The following PLA1A variants were observed in gnomAD, a reference collection of about 807,000 sequenced individuals.
PLA1A encodes the protein phospholipase A1 member A.
PLA1A carries 47 observed loss-of-function variants against 49.4 expected under a neutral mutation model. The ratio of observed to expected loss-of-function variants is 0.95; its 90% CI spans 0.75 to 1.21. The LOEUF (loss-of-function observed/expected upper bound fraction) is 1.21. PLA1A is among the 50% of genes most tolerant of loss of function. The pLI is 0.00. For synonymous variants in PLA1A, 224 were observed against 207.9 expected (o/e 1.08, Z -0.67); for missense variants, 561 against 563.9 (o/e 0.99, Z 0.05).
At position 119,609,481 on chromosome 3, in the gene PLA1A, C is replaced by G; in HGVS notation, c.467C>G (p.Ser156Trp). The stretch of plus-strand genomic sequence containing the variant: ...CTGCTCTTCTAGGTGCTGGGTGTGT[C>G]GGAATCCTCAATCCACATCATTGGT... ...FLNKLLVLGV[S>W]ESSIHIIGVS... The change falls in exon 4 of 11, where the codon TCG becomes TGG. Residue 156 changes from serine to tryptophan, a missense_variant. Transcript: ENST00000273371. 2 of 1,609,730 alleles carry G rather than the reference C, an allele frequency of 1.2e-6. No individual in the cohort carries two copies. The highest frequency in any genetic ancestry group is 1.7e-6 in the Non-Finnish European group (2 of 1,176,084).
intron 3 of PLA1A, 150 bp from the exon 4 acceptor site, chr3:119,609,318 T>C: frequency 1.4e-6 from 1 of 728,110 alleles, no homozygotes; most frequent in Non-Finnish European, 2.5e-6. Context: ...TGATTAACAA[T>C]GAGAGTGCTG....
Position 119,613,127 on chromosome 3 carries a change from G to A in PLA1A, c.664+9G>A, listed in dbSNP as rs2082792985. The A allele has an allele frequency of 1.3e-6, 2 of 1,580,604 alleles. No individual in the cohort carries two copies. The highest frequency in any genetic ancestry group is 1.7e-6 in the Non-Finnish European group (2 of 1,155,410). Reference sequence around the variant, plus strand: ...CCACACAGACACCGACAGTGAGCTGGGGTGACCTTCCTGGGATGAGGGAAT... The same window carrying A: ...CCACACAGACACCGACAGTGAGCTGAGGTGACCTTCCTGGGATGAGGGAAT... On this transcript the variant is annotated intron_variant, in intron 5 of 10. Transcript: ENST00000273371.
chr3:119,620,076 A>G (rs1022650753), intron 8 of PLA1A: 9 of 457,950 alleles, frequency 2.0e-5, no homozygotes, highest in Admixed American at 1.9e-4. Context: ...CCCTTCACAG[A>G]TGCATTCCAG....
At chr3:119,598,800 G>T (rs2082574834) in intron 1 of PLA1A, among the ~76,000 whole-genome samples, 1 of 152,184 alleles carries the variant, frequency 6.6e-6, no homozygotes, top group Middle Eastern at 3.4e-3. Flanking sequence ...ATCTTTCAAG[G>T]GGGCTTCTGT....
chr3:119,629,465 G>A lies in PLA1A; in HGVS notation c.1368G>A (p.Val456=), dbSNP rs1328911643. Residue 456 remains valine (V), a synonymous_variant, in exon 11 of 11, where the codon GTG becomes GTA. Transcript: ENST00000273371. ...TVSCDLKIAC[V] ...CCTGTGACCTGAAGATAGCCTGTGT[G>A]TAGTTTAACCTGGGCAGGACACATC... The A allele has an allele frequency of 1.9e-6, 3 of 1,554,118 alleles. No homozygotes were observed. The highest frequency in any genetic ancestry group is 2.7e-6 in the Non-Finnish European group (3 of 1,127,550).
chr3:119,615,158 T>C (rs946570944), intron 5 of PLA1A, among the ~76,000 whole-genome samples: 2 of 152,220 alleles, frequency 1.3e-5, no homozygotes, highest in African/African-American at 2.4e-5. Flanking sequence ...TACTGACAGA[T>C]GACAGAAGGA....
chr3:119,598,636 C>A (rs1338404158), intron 1 of PLA1A: 3 of 152,248 alleles, frequency 2.0e-5, no homozygotes, highest in Admixed American at 1.3e-4. Flanking sequence ...GGTGAGGTCA[C>A]CCTTAGAAAA....
At chr3:119,621,052 C>T (rs2082922585) in intron 8 of PLA1A, among the ~76,000 whole-genome samples, 2 of 152,192 alleles carry the variant, frequency 1.3e-5, no homozygotes, top group African/African-American at 2.4e-5. Context: ...TCTGAGTTGG[C>T]ATGCGGGAGG....
chr3:119,605,473 T>C (rs932453292), intron 1 of PLA1A, among the ~76,000 whole-genome samples: 1 of 152,258 alleles, frequency 6.6e-6, no homozygotes, highest in Admixed American at 6.5e-5. Context: ...CAGTTACCTC[T>C]GATAGAAGAT....
At position 119,609,483 on chromosome 3, in the gene PLA1A, G is replaced by A. The variant is rs1180203790; in HGVS notation, c.469G>A (p.Glu157Lys). The change falls in exon 4 of 11, where the codon GAA becomes AAA. Residue 157 changes from glutamate (E) to lysine (K), a missense_variant. Physicochemically the swap from Glu to Lys is moderately conservative, Grantham distance 56. Coordinates refer to ENST00000273371, the MANE Select transcript of PLA1A (RefSeq NM_015900.4). ...GCTCTTCTAGGTGCTGGGTGTGTCG[G>A]AATCCTCAATCCACATCATTGGTGT... is the stretch of plus-strand genomic sequence containing the variant. ...LNKLLVLGVS[E>K]SSIHIIGVSL... 3 of 1,611,044 alleles carry A rather than the reference G, an allele frequency of 1.9e-6. No individual in the cohort carries two copies. In the Admixed American group the frequency reaches 5.0e-5, roughly 27 times the overall value.
chr3:119,627,796 C>T (rs912677583), intron 9 of PLA1A, among the ~76,000 whole-genome samples: 13 of 152,254 alleles, frequency 8.5e-5, no homozygotes, highest in African/African-American at 2.9e-4. Flanking sequence ...TCACCACCCT[C>T]AGGATCTGCT....
chr3:119,620,121 T>G, intron 8 of PLA1A: 1 of 456,962 alleles, frequency 2.2e-6, no homozygotes, highest in South Asian at 1.5e-5. Context: ...GGCATTTCCT[T>G]GAAGCTAGGA....
chr3:119,624,146 T>C (rs907610830), intron 8 of PLA1A, among the ~76,000 whole-genome samples: 12 of 152,198 alleles, frequency 7.9e-5, no homozygotes, highest in African/African-American at 2.9e-4. Flanking sequence ...GGCTGGGAAG[T>C]CCCAGATCAA....
At chr3:119,599,908 C>T (rs926666453) in intron 1 of PLA1A, among the ~76,000 whole-genome samples, 2 of 152,050 alleles carry the variant, frequency 1.3e-5, no homozygotes, top group Non-Finnish European at 2.9e-5. Context: ...CTTATTCTTA[C>T]TTTTAGTAGT....
chr3:119,629,678 A>T lies in PLA1A; in HGVS notation c.*210A>T, dbSNP rs751761638. On this transcript the variant is annotated 3_prime_UTR_variant, in exon 11 of 11. Coordinates refer to ENST00000273371, the MANE Select transcript of PLA1A (RefSeq NM_015900.4). ...GGTTTCCTTTGCCGATCTTATGTAC[A>T]TACCCATTTTAGCTTTCCCATGCAT... The T allele has an allele frequency of 1.9e-6, 1 of 538,370 alleles. No homozygotes were observed. Among genetic ancestry groups the T allele is most frequent in the South Asian group, 3.0e-5 (1 of 33,530 alleles). 33.3% of individuals were successfully genotyped at this position (538,370 alleles called of 1,614,324 possible).
At position 119,629,498 on chromosome 3, in the gene PLA1A, ATTT is replaced by A. The variant is rs3054091; in HGVS notation, c.*44_*46del. On this transcript the variant is annotated 3_prime_UTR_variant, in exon 11 of 11. Coordinates refer to ENST00000273371, the MANE Select transcript of PLA1A (RefSeq NM_015900.4). ...ACCTGGGCAGGACACATCTCCCTGCATTTTTTTTTTTTTTTTGAGAGAGAGGTG... is the reference window on the plus strand; with the variant it reads ...ACCTGGGCAGGACACATCTCCCTGCATTTTTTTTTTTTTGAGAGAGAGGTG... 379 of 875,178 alleles carry A rather than the reference ATTT, an allele frequency of 4.3e-4. No individual in the cohort carries two copies. The highest frequency in any genetic ancestry group is 5.7e-4 in the Non-Finnish European group (324 of 565,784). 54.2% of individuals were successfully genotyped at this position (875,178 alleles called of 1,614,324 possible). A position where few individuals can be genotyped will look rare whatever the true frequency, so the allele number is the denominator to read the frequency against.
chr3:119,622,337 T>G (rs543300792), intron 8 of PLA1A, among the ~76,000 whole-genome samples: 1 of 151,434 alleles, frequency 6.6e-6, no homozygotes, highest in Non-Finnish European at 1.5e-5. Flanking sequence ...AGTTAGCTAT[T>G]TTTTCCACAT....
At chr3:119,605,031 G>C (rs533757119) in intron 1 of PLA1A, among the ~76,000 whole-genome samples, 2 of 152,314 alleles carry the variant, frequency 1.3e-5, no homozygotes, top group African/African-American at 4.8e-5. Flanking sequence ...GATGCAGGCT[G>C]CCCTATATGA....
chr3:119,617,432 A>G (rs2082863115), intron 6 of PLA1A, among the ~76,000 whole-genome samples: 1 of 151,892 alleles, frequency 6.6e-6, no homozygotes, highest in Non-Finnish European at 1.5e-5. Context: ...TATGAAGGAG[A>G]GTTTGCATGA....
Sources: gnomAD v4.1 joint callset for allele counts (sites outside exome capture counted in the v4.1 genomes callset) on GRCh38, gnomAD v4.1.1 for gene constraint, MANE v1.5 for transcripts, NCBI Gene and HGNC (gene_info 2026-07-23, HGNC 2026-07-21) for gene names.